Variants in GRIP1 observed in about 807,000 individuals in gnomAD.
GRIP1 encodes the protein glutamate receptor interacting protein 1, also known as glutamate receptor-interacting protein 1.
GRIP1 carries 45 observed loss-of-function variants against 129.9 expected under a neutral mutation model. The ratio of observed to expected loss-of-function variants is 0.35; its 90% CI spans 0.27 to 0.44. GRIP1 has a LOEUF of 0.44. Among genes scored for constraint, GRIP1 ranks in the 20% least tolerant of loss-of-function variants. The pLI is 1.00. For synonymous variants in GRIP1, 530 were observed against 520.8 expected, an observed-to-expected ratio of 1.02 and a Z score of -0.24; for missense variants, 1,196 against 1,396.8, an observed-to-expected ratio of 0.86 and a Z score of 2.29.
chr12:66,784,625 A>T (rs1002763395), intron 1 of GRIP1, among the ~76,000 whole-genome samples: 2 of 152,146 alleles, frequency 1.3e-5, no homozygotes, highest in African/African-American at 4.8e-5. Flanking sequence ...TTATGTTTAC[A>T]TTCCTGCTAT....
intron 7 of GRIP1, among the ~76,000 whole-genome samples, chr12:66,483,404 G>C (rs752947463): frequency 2.6e-5 from 4 of 152,038 alleles, no homozygotes; most frequent in Non-Finnish European, 5.9e-5. Flanking sequence ...GTTCAAATAA[G>C]CTTCGTCTTA....
intron 1 of GRIP1, among the ~76,000 whole-genome samples, chr12:66,643,498 T>C (rs2032107099): frequency 6.6e-6 from 1 of 152,194 alleles, no homozygotes; most frequent in Non-Finnish European, 1.5e-5. Flanking sequence ...AATTCTGAAA[T>C]ACATATTTGC....
intron 1 of GRIP1, among the ~76,000 whole-genome samples, chr12:66,941,857 T>C (rs1353960750): frequency 2.0e-5 from 3 of 152,244 alleles, no homozygotes; most frequent in Non-Finnish European, 4.4e-5. Flanking sequence ...TTACAATCCA[T>C]ATCTGTAAAT....
intron 16 of GRIP1, among the ~76,000 whole-genome samples, chr12:66,401,436 G>A (rs943596879): frequency 1.3e-5 from 2 of 151,692 alleles, no homozygotes; most frequent in Non-Finnish European, 2.9e-5. Context: ...AAAATTAGCT[G>A]GGCATGGTGG....
intron 1 of GRIP1, among the ~76,000 whole-genome samples, chr12:66,859,209 G>A (rs567715497): frequency 1.5e-5 from 2 of 131,310 alleles, no homozygotes; most frequent in East Asian, 4.7e-4. Context: ...CAAATTGCCA[G>A]GAAATAGCAA....
intron 1 of GRIP1, among the ~76,000 whole-genome samples, chr12:66,860,883 A>G (rs548453463): frequency 6.6e-6 from 1 of 151,930 alleles, no homozygotes; most frequent in Non-Finnish European, 1.5e-5. Context: ...TTACTTTCTG[A>G]CTGCCACTAT....
chr12:66,380,158 C>T (rs1462403083), intron 19 of GRIP1, among the ~76,000 whole-genome samples: 1 of 152,120 alleles, frequency 6.6e-6, no homozygotes, highest in African/African-American at 2.4e-5. Flanking sequence ...GATCCACCCA[C>T]CTCGGCCTCC....
chr12:66,955,111 C>G (rs1435216766), intron 1 of GRIP1, among the ~76,000 whole-genome samples: 1 of 152,096 alleles, frequency 6.6e-6, no homozygotes, highest in Non-Finnish European at 1.5e-5. Flanking sequence ...AATTGGTTTG[C>G]ATTACACACA....
intron 24 of GRIP1, among the ~76,000 whole-genome samples, chr12:66,350,472 C>T (rs2054173437): frequency 6.6e-6 from 1 of 152,140 alleles, no homozygotes; most frequent in Non-Finnish European, 1.5e-5. Flanking sequence ...TGCACTCCAG[C>T]CTGGATGACA....
chr12:66,429,902 G>C (rs1023525006), intron 14 of GRIP1, among the ~76,000 whole-genome samples: 1 of 152,158 alleles, frequency 6.6e-6, no homozygotes, highest in Non-Finnish European at 1.5e-5. Context: ...ACGGCACAGA[G>C]AGGTTGAGGG....
chr12:66,910,663 G>A (rs576673804), intron 1 of GRIP1, among the ~76,000 whole-genome samples: 1 of 152,018 alleles, frequency 6.6e-6, no homozygotes, highest in Non-Finnish European at 1.5e-5. Flanking sequence ...TAGTGAGTGT[G>A]AAAATGAAAC....
chr12:66,671,513 T>C (rs896772836), intron 1 of GRIP1, among the ~76,000 whole-genome samples: 5 of 152,136 alleles, frequency 3.3e-5, no homozygotes, highest in African/African-American at 1.2e-4. Context: ...CCCCACAGGC[T>C]GCTGCCCATC....
chr12:66,480,718 A>C (rs1006739959), intron 7 of GRIP1, among the ~76,000 whole-genome samples: 2 of 152,222 alleles, frequency 1.3e-5, no homozygotes, highest in Non-Finnish European at 2.9e-5. Flanking sequence ...ACAGAGATAT[A>C]GACCAATGGA....
chr12:66,358,300 T>C (rs755267206), intron 23 of GRIP1, among the ~76,000 whole-genome samples: 7 of 152,200 alleles, frequency 4.6e-5, no homozygotes, highest in East Asian at 3.8e-4. Context: ...GTCCTTTTGA[T>C]AGGATCCATT....
chr12:66,841,411 T>C (rs2039713549), intron 1 of GRIP1, among the ~76,000 whole-genome samples: 1 of 152,142 alleles, frequency 6.6e-6, no homozygotes, highest in Non-Finnish European at 1.5e-5. Context: ...CAACTTTCTA[T>C]AAAAAGAGAG....
At chr12:66,532,802 A>T (rs1448408361) in intron 4 of GRIP1, among the ~76,000 whole-genome samples, 1 of 152,092 alleles carries the variant, frequency 6.6e-6, no homozygotes, top group South Asian at 2.1e-4. Flanking sequence ...CACCACCATC[A>T]TCTGTCTATT....
At chr12:66,431,209 C>G (rs1044357504) in intron 14 of GRIP1, among the ~76,000 whole-genome samples, 1 of 152,118 alleles carries the variant, frequency 6.6e-6, no homozygotes, top group Middle Eastern at 3.2e-3. Context: ...TAGTGACATA[C>G]CATCTTTGCT....
chr12:66,701,612 C>G (rs555299205), intron 1 of GRIP1, among the ~76,000 whole-genome samples: 1 of 152,164 alleles, frequency 6.6e-6, no homozygotes, highest in Admixed American at 6.5e-5. Context: ...TTTTCCTCCT[C>G]TGGATTCCTC....
At chr12:67,019,796 A>G (rs148600147) in intron 1 of GRIP1, among the ~76,000 whole-genome samples, 1 of 151,054 alleles carries the variant, frequency 6.6e-6, no homozygotes, top group East Asian at 1.9e-4. Flanking sequence ...TAGATTTATA[A>G]TATATACACA....
Sources: allele counts gnomAD v4.1 joint callset (sites outside exome capture counted in the v4.1 genomes callset), GRCh38; gene constraint gnomAD v4.1.1; transcripts MANE v1.5; gene names NCBI Gene and HGNC (gene_info 2026-07-23, HGNC 2026-07-21).